Variants in FRRS1L observed in about 807,000 individuals in gnomAD.
FRRS1L encodes the protein DOMON domain-containing protein FRRS1L.
Under a neutral mutation model 28.6 loss-of-function variants are expected in FRRS1L, and 22 were observed. The observed-to-expected ratio is 0.77, with a 90% CI of 0.55 to 1.10. The LOEUF is 1.10. FRRS1L is among the 50% of genes least tolerant of loss of function. The pLI is 0.00. For missense variants in FRRS1L, 380 were observed against 386.9 expected, an observed-to-expected ratio of 0.98 and a Z score of 0.15; for synonymous variants, 158 against 151.4, an observed-to-expected ratio of 1.04 and a Z score of -0.32.
chr9:109,145,862 A>T (rs1205208663), intron 3 of FRRS1L, among the ~76,000 whole-genome samples: 2 of 152,132 alleles, frequency 1.3e-5, no homozygotes, highest in Non-Finnish European at 2.9e-5. Flanking sequence ...TCTTCCATCT[A>T]ACTGTTCATC....
At position 109,132,790 on chromosome 9, in the gene FRRS1L, A is replaced by T. The variant is rs1831072023; in HGVS notation, c.*4665T>A. 1 of 152,226 alleles carries T rather than the reference A, an allele frequency of 6.6e-6. No homozygotes were observed. Among genetic ancestry groups the T allele is most frequent in the Non-Finnish European group, 1.5e-5 (1 of 68,048 alleles). The allele number at this position is 152,226 out of a possible 1,614,324, so 9.4% of individuals were successfully genotyped here. A position where few individuals can be genotyped will look rare whatever the true frequency, so the allele number is the denominator to read the frequency against. ...TTGTGACATTTGAAAAGTACATGAA[A>T]TTCAAAGTTCAGTGTCAATTAAGTT... On this transcript the variant is annotated 3_prime_UTR_variant, in exon 5 of 5. Transcript: ENST00000561981.
intron 3 of FRRS1L, among the ~76,000 whole-genome samples, chr9:109,143,728 T>A (rs1831219210): frequency 1.3e-5 from 2 of 152,142 alleles, no homozygotes; most frequent in Middle Eastern, 3.4e-3. Context: ...TTGGCCAGGC[T>A]GGTCTCAAAC....
intron 2 of FRRS1L, among the ~76,000 whole-genome samples, chr9:109,149,070 C>T (rs1831297161): frequency 6.6e-6 from 1 of 152,156 alleles, no homozygotes; most frequent in Non-Finnish European, 1.5e-5. Flanking sequence ...AGGAGGCTTT[C>T]CCAAAGAAGC....
At chr9:109,158,236 A>AT (rs1022391895) in intron 1 of FRRS1L, among the ~76,000 whole-genome samples, 20 of 151,678 alleles carry the variant, frequency 1.3e-4, no homozygotes, top group African/African-American at 4.4e-4. Flanking sequence ...GGTAAGTTGC[A>AT]TTTTTTTTCT....
chr9:109,152,206 G>T (rs1457410503), intron 1 of FRRS1L: 1 of 151,982 alleles, frequency 6.6e-6, no homozygotes, highest in African/African-American at 2.4e-5. Flanking sequence ...CTGGAGTGAA[G>T]TGGCATAATC....
At chr9:109,141,960 A>G (rs1259787533) in intron 3 of FRRS1L, among the ~76,000 whole-genome samples, 1 of 151,694 alleles carries the variant, frequency 6.6e-6, no homozygotes, top group Non-Finnish European at 1.5e-5. Context: ...AAAAAAAGAA[A>G]AAAAAAAAAA....
At chr9:109,147,391 C>T (rs1038470928) in intron 2 of FRRS1L, 1 of 543,754 alleles carries the variant, frequency 1.8e-6, no homozygotes, top group Non-Finnish European at 3.2e-6. Context: ...ACAAGAACTG[C>T]AGTCCTGAGA....
chr9:109,163,983 A>G (rs1166955188), intron 1 of FRRS1L, among the ~76,000 whole-genome samples: 1 of 152,192 alleles, frequency 6.6e-6, no homozygotes, highest in Non-Finnish European at 1.5e-5. Flanking sequence ...CTTGGTAGGA[A>G]ACAGGCTCTT....
chr9:109,157,575 A>C (rs1327252107), intron 1 of FRRS1L, among the ~76,000 whole-genome samples: 2 of 151,978 alleles, frequency 1.3e-5, no homozygotes, highest in African/African-American at 2.4e-5. Flanking sequence ...TTTTGTAGGG[A>C]ATATGTTGCC....
rs578061446 is a variant in FRRS1L, at chr9:109,132,971, C to T, written c.*4484G>A. 9.2e-5 allele frequency: 14 copies of T among 152,208 alleles called. No individual in the cohort carries two copies. Among genetic ancestry groups the T allele is most frequent in the South Asian group, 6.2e-4 (3 of 4,822 alleles). 9.4% of individuals were successfully genotyped at this position (152,208 alleles called of 1,614,324 possible). ...GAATGACACACAACCTCAGTGGTCA[C>T]GTCTCTTATGCACAAAATCCTGAAT... On this transcript the variant is annotated 3_prime_UTR_variant, in exon 5 of 5. Transcript: ENST00000561981.
intron 1 of FRRS1L, among the ~76,000 whole-genome samples, chr9:109,157,749 T>G (rs1831429370): frequency 1.3e-5 from 2 of 152,240 alleles, no homozygotes; most frequent in African/African-American, 2.4e-5. Context: ...AGTTACTGCT[T>G]TTATTTGGAT....
At chr9:109,155,350 T>A (rs562266533) in intron 1 of FRRS1L, among the ~76,000 whole-genome samples, 1 of 152,330 alleles carries the variant, frequency 6.6e-6, no homozygotes, top group Admixed American at 6.5e-5. Context: ...TATTCAGTCA[T>A]AAAAAATGAA....
chr9:109,136,852 A>T lies in FRRS1L; in HGVS notation c.*603T>A, dbSNP rs72607174. 0.22 allele frequency: 33,815 copies of T among 152,158 alleles called. 4,584 individuals carry two copies. Among genetic ancestry groups the T allele is most frequent in the Admixed American group, 0.3 (4,594 of 15,286 alleles). 9.4% of individuals were successfully genotyped at this position (152,158 alleles called of 1,614,324 possible). On this transcript the variant is annotated 3_prime_UTR_variant, in exon 5 of 5. Coordinates refer to ENST00000561981, the MANE Select transcript of FRRS1L (RefSeq NM_014334.4). ...TTTCAAATAAATATGAACTATTTTC[A>T]TATCATTGTATTTTCCTCCAATCTC... is the stretch of plus-strand genomic sequence containing the variant.
Position 109,149,495 on chromosome 9 carries a change from G to A in FRRS1L, c.323+141C>T, listed in dbSNP as rs1533641. ...TTTAAGACTGAAAAGCGGGATGGCC[G>A]TTACGAAACTTCATAACCCTGCTGA... On this transcript the variant is annotated intron_variant, in intron 2 of 4. Coordinates refer to ENST00000561981, the MANE Select transcript of FRRS1L (RefSeq NM_014334.4). 444,724 of 589,330 alleles carry A rather than the reference G, an allele frequency of 0.75. 168,637 individuals are homozygous for A. The highest frequency in any genetic ancestry group is 0.78 in the Admixed American group (24,442 of 31,538). The allele number at this position is 589,330 out of a possible 1,614,324, so 36.5% of individuals were successfully genotyped here.
In FRRS1L at chr9:109,134,940, G is replaced by C. The variant is rs1831095785; in HGVS notation, c.*2515C>G. On this transcript the variant is annotated 3_prime_UTR_variant, in exon 5 of 5. Transcript: ENST00000561981. ...GGCCAGACTTAGCCATGCCCAGAGTGGAGTCAAGGACTTGAACCAGGGGAC... is the reference window on the plus strand; with the variant it reads ...GGCCAGACTTAGCCATGCCCAGAGTCGAGTCAAGGACTTGAACCAGGGGAC... 1 of 152,218 alleles carries C rather than the reference G, an allele frequency of 6.6e-6. No homozygotes were observed. The highest frequency in any genetic ancestry group is 2.1e-4 in the South Asian group (1 of 4,828). The allele number at this position is 152,218 out of a possible 1,614,324, so 9.4% of individuals were successfully genotyped here.
intron 4 of FRRS1L, 114 bp downstream of exon 4, chr9:109,141,229 A>T: frequency 3.4e-6 from 4 of 1,187,626 alleles, no homozygotes; most frequent in Non-Finnish European, 4.8e-6. Context: ...CTTTTCCTTT[A>T]AATGATCCAG....
intron 1 of FRRS1L, among the ~76,000 whole-genome samples, chr9:109,161,766 A>T (rs964946328): frequency 6.6e-6 from 1 of 152,164 alleles, no homozygotes; most frequent in Non-Finnish European, 1.5e-5. Context: ...TTTAAGTTTT[A>T]ATTGTCTGGC....
At chr9:109,165,380 T>C (rs961664725) in intron 1 of FRRS1L, among the ~76,000 whole-genome samples, 2 of 152,168 alleles carry the variant, frequency 1.3e-5, no homozygotes, top group African/African-American at 4.8e-5. Context: ...CAACCTGGCT[T>C]CTACTGTACT....
intron 1 of FRRS1L, among the ~76,000 whole-genome samples, chr9:109,155,277 G>A (rs1173801134): frequency 1.3e-5 from 2 of 152,164 alleles, no homozygotes; most frequent in African/African-American, 4.8e-5. Flanking sequence ...ACACTGTGCA[G>A]TACATCTCAT....
Sources: gnomAD v4.1 joint callset for allele counts (sites outside exome capture counted in the v4.1 genomes callset) on GRCh38, gnomAD v4.1.1 for gene constraint, MANE v1.5 for transcripts, NCBI Gene and HGNC (gene_info 2026-07-23, HGNC 2026-07-21) for gene names.